TFEB: variants seen among roughly 807,000 people sequenced by gnomAD.
TFEB encodes the protein transcription factor EB.
A neutral mutation model predicts 48.0 loss-of-function variants in TFEB; 12 were observed. That is an observed-to-expected ratio of 0.25 (90% confidence interval 0.16 to 0.40). The LOEUF is 0.40. TFEB is among the 10% of genes least tolerant of loss of function. The pLI, the probability that TFEB is intolerant of heterozygous loss-of-function variation, is 1.00. For synonymous variants in TFEB, 244 were observed against 261.4 expected (o/e 0.93, Z 0.64); for missense variants, 509 against 640.3 (o/e 0.79, Z 2.21).
chr6:41,687,054 C>T, intron 7 of TFEB, 40 bp downstream of exon 7: 1 of 1,584,136 alleles, frequency 6.3e-7, no homozygotes. Context: ...AGCTGCTGCC[C>T]ACCCAGACCC....
intron 1 of TFEB, among the ~76,000 whole-genome samples, chr6:41,717,073 T>C (rs1447881356): frequency 6.6e-6 from 1 of 152,168 alleles, no homozygotes; most frequent in East Asian, 1.9e-4. Flanking sequence ...CCAAGTCACT[T>C]GAGTTGTTTC....
intron 1 of TFEB, among the ~76,000 whole-genome samples, chr6:41,697,503 A>ACG (rs1554134532): frequency 7.7e-6 from 1 of 129,350 alleles, no homozygotes; most frequent in Non-Finnish European, 1.6e-5. Flanking sequence ...CCTTCTCCAA[A>ACG]CCCCCCCCCT....
intron 1 of TFEB, among the ~76,000 whole-genome samples, chr6:41,702,422 TG>T (rs1769983428): frequency 6.6e-6 from 1 of 151,506 alleles, no homozygotes; most frequent in Non-Finnish European, 1.5e-5. Context: ...CATAGTGAGG[TG>T]AGGGTGGTAA....
chr6:41,713,793 T>C (rs1770590927), intron 1 of TFEB, among the ~76,000 whole-genome samples: 1 of 152,184 alleles, frequency 6.6e-6, no homozygotes, highest in African/African-American at 2.4e-5. Context: ...GCTAGACATG[T>C]GGCACCCTCC....
chr6:41,709,140 T>C (rs1025270530), intron 1 of TFEB, among the ~76,000 whole-genome samples: 1 of 152,218 alleles, frequency 6.6e-6, no homozygotes, highest in Non-Finnish European at 1.5e-5. Flanking sequence ...AACCTTGGCA[T>C]GCCTGTTCAT....
chr6:41,718,711 C>T (rs1770849174), intron 1 of TFEB, among the ~76,000 whole-genome samples: 1 of 150,566 alleles, frequency 6.6e-6, no homozygotes, highest in Non-Finnish European at 1.5e-5. Context: ...GTCTCCTGTG[C>T]CTGCTTGACC....
chr6:41,689,318 G>A (rs1293949216), intron 4 of TFEB, among the ~76,000 whole-genome samples: 1 of 152,166 alleles, frequency 6.6e-6, no homozygotes, highest in Non-Finnish European at 1.5e-5. Flanking sequence ...GCTTTTGCCT[G>A]TTGGGCCCTG....
chr6:41,727,923 C>T (rs1051092021), intron 1 of TFEB, among the ~76,000 whole-genome samples: 9 of 152,154 alleles, frequency 5.9e-5, no homozygotes, highest in Non-Finnish European at 1.2e-4. Flanking sequence ...GAAGGAAGGA[C>T]TTGTCCAGAA....
At chr6:41,713,052 G>A (rs553884189) in intron 1 of TFEB, among the ~76,000 whole-genome samples, 2 of 152,276 alleles carry the variant, frequency 1.3e-5, no homozygotes, top group South Asian at 4.1e-4. Context: ...GCCAGAGGGA[G>A]GGTGAAGTCT....
chr6:41,721,887 T>C lies in TFEB; in HGVS notation c.-23+13463A>G, dbSNP rs539563137. 1.6e-4 allele frequency among the ~76,000 whole-genome samples: 25 copies of C among 152,222 alleles called. 1 individual carries two copies. The South Asian group carries it at 5.0e-3, about 30-fold the overall frequency. The stretch of plus-strand genomic sequence containing the variant: ...CCCTCATGCCCACAGATGAGTGGCC[T>C]TCAACTGCTCTCTCAAGACTACACC... On this transcript the variant is annotated intron_variant, in intron 1 of 8. Coordinates refer to ENST00000373033, the MANE Select transcript of TFEB (RefSeq NM_001271944.2).
In TFEB at chr6:41,734,764, AG is replaced by A; in HGVS notation, c.-23+585del. On this transcript the variant is annotated intron_variant, in intron 1 of 8. Coordinates refer to ENST00000373033, the MANE Select transcript of TFEB (RefSeq NM_001271944.2). The surrounding 1 kb of genome is among the most constrained non-coding windows in gnomAD (Gnocchi z 4.0). Reference sequence around the variant, plus strand: ...TTCTTCAAGAGACCGAGCTGGAGGAAGGGACGGGAAGGGAGGGAGAGATGGT... The same window carrying A: ...TTCTTCAAGAGACCGAGCTGGAGGAAGGACGGGAAGGGAGGGAGAGATGGT... 2 of 524,344 alleles carry A rather than the reference AG, an allele frequency of 3.8e-6. No homozygotes were observed. Among genetic ancestry groups the A allele is most frequent in the African/African-American group, 2.1e-5 (1 of 48,624 alleles). 32.5% of individuals were successfully genotyped at this position (524,344 alleles called of 1,614,324 possible).
At chr6:41,701,944 CAAA>C (rs58971184) in intron 1 of TFEB, among the ~76,000 whole-genome samples, 4 of 109,684 alleles carry the variant, frequency 3.6e-5, no homozygotes, top group Admixed American at 9.8e-5. Flanking sequence ...GGCTCCGTCT[CAAA>C]AAAAAAAAAA....
intron 1 of TFEB, among the ~76,000 whole-genome samples, chr6:41,703,301 C>T (rs1770033772): frequency 6.6e-6 from 1 of 152,194 alleles, no homozygotes; most frequent in Admixed American, 6.5e-5. Flanking sequence ...AGCCGCAGGC[C>T]CAGGACCCCC....
At chr6:41,719,568 A>G (rs185912876) in intron 1 of TFEB, among the ~76,000 whole-genome samples, 11 of 152,282 alleles carry the variant, frequency 7.2e-5, no homozygotes, top group Non-Finnish European at 1.3e-4. Context: ...GGAGACTGAG[A>G]CCTAGGAGGC....
intron 1 of TFEB, among the ~76,000 whole-genome samples, chr6:41,699,920 T>C (rs761133103): frequency 1.3e-5 from 2 of 152,202 alleles, no homozygotes; most frequent in Admixed American, 6.5e-5. Flanking sequence ...TACAGCTCAA[T>C]GAATTTTTAC....
chr6:41,690,143 T>C (rs1769220776), intron 3 of TFEB, among the ~76,000 whole-genome samples: 1 of 151,912 alleles, frequency 6.6e-6, no homozygotes, highest in African/African-American at 2.4e-5. Flanking sequence ...TTCTTTTTTT[T>C]TTTTCGAGAA....
intron 1 of TFEB, among the ~76,000 whole-genome samples, chr6:41,726,874 A>G (rs1771234618): frequency 6.6e-6 from 1 of 152,258 alleles, no homozygotes; most frequent in Admixed American, 6.5e-5. Context: ...TTTTCTTCCC[A>G]TACCTAGTTT....
Position 41,684,931 on chromosome 6 carries a change from G to T in TFEB, c.1099C>A (p.Pro367Thr). ...GEALMLGAEV[P>T]DPEPLPALPP... The stretch of plus-strand genomic sequence containing the variant: ...AGAGCTGGCAGTGGCTCAGGGTCAG[G>T]GACCTCAGCCCCCAGCATCAGGGCC... Residue 367 changes from proline to threonine, a missense_variant, in exon 9 of 9, where the codon CCT (proline) becomes ACT (threonine). Physicochemically the swap from Pro to Thr is conservative, Grantham distance 38. Coordinates refer to ENST00000373033, the MANE Select transcript of TFEB (RefSeq NM_001271944.2). 1 of 1,586,072 alleles carries T rather than the reference G, an allele frequency of 6.3e-7. No homozygotes were observed.
rs1391519852 is a variant in TFEB at position 41,734,976 on chromosome 6, C to T, written c.-23+374G>A. 2 of 985,398 alleles carry T rather than the reference C, an allele frequency of 2.0e-6. No individual in the cohort carries two copies. Among genetic ancestry groups the T allele is most frequent in the East Asian group, 2.3e-4 (2 of 8,800 alleles). 61.0% of individuals were successfully genotyped at this position (985,398 alleles called of 1,614,324 possible). Reference sequence around the variant, plus strand: ...GAGTGGGCGCGGGGCCCGCGCGTCCCTCAAACTTCTTGCGAGTTCACCATC... The same window carrying T: ...GAGTGGGCGCGGGGCCCGCGCGTCCTTCAAACTTCTTGCGAGTTCACCATC... On this transcript the variant is annotated intron_variant, in intron 1 of 8. Transcript: ENST00000373033. The surrounding 1 kb of genome is among the most constrained non-coding windows in gnomAD (Gnocchi z 4.0).
Sources: gnomAD v4.1 joint callset for allele counts (sites outside exome capture counted in the v4.1 genomes callset) on GRCh38, gnomAD v4.1.1 for gene constraint, Gnocchi (gnomAD v3.1) non-coding constraint, MANE v1.5 for transcripts, NCBI Gene and HGNC (gene_info 2026-07-23, HGNC 2026-07-21) for gene names.